ARID4B: variants seen among roughly 807,000 people sequenced by gnomAD.
ARID4B encodes AT-rich interactive domain-containing protein 4B.
Under a neutral mutation model 147.5 loss-of-function variants are expected in ARID4B, and 26 were observed. The observed-to-expected ratio is 0.18, with a 90% CI of 0.13 to 0.24. ARID4B has a LOEUF of 0.24. Among genes scored for constraint, ARID4B ranks in the 10% least tolerant of loss-of-function variants. ARID4B has a pLI of 1.00. For synonymous variants in ARID4B, 512 were observed against 507.9 expected (o/e 1.01, Z -0.11); for missense variants, 1,179 against 1,511.5 (o/e 0.78, Z 3.65).
In ARID4B at chr1:235,277,594, TTGTGTGTGTGTGTGTGTGTGTGTGTG is replaced by T. The variant is rs71576468; in HGVS notation, c.7-16868_7-16843del. On this transcript the variant is annotated intron_variant, in intron 2 of 23. Transcript: ENST00000264183. ...ATGAGACCATTTTTAATGCCTTATA[TTGTGTGTGTGTGTGTGTGTGTGTGTG>T]TGTGTGTGTGTGTGTGTGTGTTTCA... is the stretch of plus-strand genomic sequence containing the variant. 4.6e-5 allele frequency among the ~76,000 whole-genome samples: 6 copies of T among 129,620 alleles called. No homozygotes were observed. The East Asian group carries it at 6.5e-4, about 14-fold the overall frequency. 85.0% of individuals were successfully genotyped at this position (129,620 alleles called of 152,430 possible).
intron 2 of ARID4B, among the ~76,000 whole-genome samples, chr1:235,281,237 G>A (rs1671652202): frequency 6.6e-6 from 1 of 152,030 alleles, no homozygotes; most frequent in South Asian, 2.1e-4. Flanking sequence ...GGGCAACATA[G>A]GGAAACTGCC....
chr1:235,251,575 G>C (rs965108650), intron 6 of ARID4B, among the ~76,000 whole-genome samples: 1 of 151,934 alleles, frequency 6.6e-6, no homozygotes, highest in Non-Finnish European at 1.5e-5. Flanking sequence ...AGGTTAATAA[G>C]TAATATTAAA....
At chr1:235,224,017 G>T (rs542020413) in intron 12 of ARID4B, among the ~76,000 whole-genome samples, 1 of 152,046 alleles carries the variant, frequency 6.6e-6, no homozygotes, top group Non-Finnish European at 1.5e-5. Flanking sequence ...TGTGTTAGGC[G>T]TTGTTATCAT....
chr1:235,175,510 C>A lies in ARID4B; in HGVS notation c.3449-111G>T, dbSNP rs916434246. 26 of 849,186 alleles carry A rather than the reference C, an allele frequency of 3.1e-5. No homozygotes were observed. The South Asian group carries it at 4.1e-4, about 13-fold the overall frequency. The allele number at this position is 849,186 out of a possible 1,614,324, so 52.6% of individuals were successfully genotyped here. ...TTGAATTTAGTCCTACAGAAAACAA[C>A]CTGCCTAGAAACCTGGAAAATCATA... On this transcript the variant is annotated intron_variant, in intron 21 of 23. Coordinates refer to ENST00000264183, the MANE Select transcript of ARID4B (RefSeq NM_016374.6).
intron 17 of ARID4B, among the ~76,000 whole-genome samples, chr1:235,211,428 T>C (rs542371021): frequency 4.6e-5 from 7 of 152,160 alleles, no homozygotes; most frequent in Non-Finnish European, 1.0e-4. Context: ...CCCTTTTTCA[T>C]AGAATTTCAA....
At chr1:235,320,335 G>T (rs1674738641) in intron 2 of ARID4B, among the ~76,000 whole-genome samples, 1 of 152,022 alleles carries the variant, frequency 6.6e-6, no homozygotes, top group African/African-American at 2.4e-5. Flanking sequence ...ACTTGTGGGA[G>T]GACATACATG....
chr1:235,221,886 A>ATTTTTTT lies in ARID4B; in HGVS notation c.1066-231_1066-225dup, dbSNP rs768600040. ...TGTTGAAATATTAAGTCATTTGACT[A>ATTTTTTT]TTTTTTTTTTTTTTTTTTTTTTTTT... On this transcript the variant is annotated intron_variant, in intron 13 of 23. Transcript: ENST00000264183. Among the ~76,000 whole-genome samples, 178 of 53,652 alleles carry ATTTTTTT rather than the reference A, an allele frequency of 3.3e-3. 15 individuals are homozygous for ATTTTTTT. Among genetic ancestry groups the ATTTTTTT allele is most frequent in the East Asian group, 9.4e-3 (13 of 1,378 alleles). 35.2% of individuals were successfully genotyped at this position (53,652 alleles called of 152,430 possible). A position where few individuals can be genotyped will look rare whatever the true frequency, so the allele number is the denominator to read the frequency against.
At chr1:235,179,254 C>T (rs1002126794) in intron 20 of ARID4B, among the ~76,000 whole-genome samples, 3 of 152,078 alleles carry the variant, frequency 2.0e-5, no homozygotes, top group Non-Finnish European at 2.9e-5. Flanking sequence ...CTATTTCTGG[C>T]TGGGCGCGGT....
intron 2 of ARID4B, among the ~76,000 whole-genome samples, chr1:235,315,522 C>T (rs1245388006): frequency 6.6e-6 from 1 of 152,220 alleles, no homozygotes; most frequent in African/African-American, 2.4e-5. Context: ...AATTATTATT[C>T]TCTTAATTGA....
chr1:235,267,935 T>C (rs189598607), intron 2 of ARID4B, among the ~76,000 whole-genome samples: 31 of 151,858 alleles, frequency 2.0e-4, no homozygotes, highest in African/African-American at 6.5e-4. Context: ...AAGAAAACCA[T>C]GCAATATAAC....
chr1:235,168,815 A>C (rs376491001), intron 23 of ARID4B, among the ~76,000 whole-genome samples, 163 bp from the exon 24 acceptor site: 6 of 152,250 alleles, frequency 3.9e-5, no homozygotes, highest in East Asian at 1.9e-4. Context: ...TGAAGAAAGG[A>C]AAAGCTAGTG....
chr1:235,264,221 T>C (rs1219008588), intron 2 of ARID4B, among the ~76,000 whole-genome samples: 1 of 152,196 alleles, frequency 6.6e-6, no homozygotes, highest in African/African-American at 2.4e-5. Context: ...CACATAATTG[T>C]TTAGCAAGCC....
intron 8 of ARID4B, among the ~76,000 whole-genome samples, chr1:235,236,854 ATATATATATTTTTT>A (rs1668628790): frequency 2.6e-5 from 1 of 38,010 alleles, no homozygotes; most frequent in Non-Finnish European, 5.0e-5. Flanking sequence ...ATATATATAT[ATATATATATTTTTT>A]TTTTTTTTTT....
intron 15 of ARID4B, 32 bp from the exon 16 acceptor site, chr1:235,220,000 A>G (rs1667342321): frequency 2.8e-6 from 4 of 1,428,084 alleles, no homozygotes; most frequent in Non-Finnish European, 3.7e-6. Context: ...GAAACCAACA[A>G]AAGTAAAAAT....
intron 2 of ARID4B, among the ~76,000 whole-genome samples, chr1:235,290,808 C>G (rs1672287046): frequency 6.6e-6 from 1 of 152,198 alleles, no homozygotes; most frequent in South Asian, 2.1e-4. Context: ...TACAAAAATT[C>G]CATAACAGCC....
At chr1:235,199,279 T>G (rs1314826540) in intron 17 of ARID4B, among the ~76,000 whole-genome samples, 2 of 152,220 alleles carry the variant, frequency 1.3e-5, no homozygotes, top group Non-Finnish European at 2.9e-5. Context: ...ATGACTCTTC[T>G]GTTATTTGGC....
intron 2 of ARID4B, among the ~76,000 whole-genome samples, chr1:235,272,560 T>G (rs927538036): frequency 6.6e-6 from 1 of 152,142 alleles, no homozygotes; most frequent in Admixed American, 6.6e-5. Flanking sequence ...GGAATCAATA[T>G]CTGAGATCAA....
At chr1:235,212,294 G>A (rs543143974) in intron 17 of ARID4B, among the ~76,000 whole-genome samples, 89 of 152,146 alleles carry the variant, frequency 5.8e-4, no homozygotes, top group Admixed American at 1.6e-3. Flanking sequence ...GAACCAACAG[G>A]TGAAAGGATA....
At chr1:235,184,839 C>T (rs886966109) in intron 19 of ARID4B, among the ~76,000 whole-genome samples, 14 of 152,136 alleles carry the variant, frequency 9.2e-5, no homozygotes, top group African/African-American at 1.2e-4. Context: ...GTGTGTGTGA[C>T]GGAATCTCAC....
Sources: gnomAD v4.1 joint callset for allele counts (sites outside exome capture counted in the v4.1 genomes callset) on GRCh38, gnomAD v4.1.1 for gene constraint, MANE v1.5 for transcripts, NCBI Gene and HGNC (gene_info 2026-07-23, HGNC 2026-07-21) for gene names.